TNFSF4: variants seen among roughly 807,000 people sequenced by gnomAD.
TNFSF4 encodes the protein TNF superfamily member 4.
TNFSF4 carries 4 observed loss-of-function variants against 7.3 expected under a neutral mutation model. That is an observed-to-expected ratio of 0.55 (90% CI 0.27 to 1.25). The LOEUF is 1.25. TNFSF4 is among the 50% of genes most tolerant of loss of function. TNFSF4 has a pLI of 0.12. For synonymous variants in TNFSF4, 76 were observed against 83.7 expected (o/e 0.91, Z 0.50); for missense variants, 181 against 208.8 (o/e 0.87, Z 0.82).
chr1:173,368,151 C>T, the TNFSF4 span, among the ~76,000 whole-genome samples: 9,025 of 152,088 alleles, frequency 0.059, 905 homozygotes, highest in African/African-American at 0.2. Flanking sequence ...ATGGAACACG[C>T]GAGGGGACAA....
chr1:173,431,458 G>A, the TNFSF4 span, among the ~76,000 whole-genome samples: 2 of 152,192 alleles, frequency 1.3e-5, no homozygotes, highest in Admixed American at 6.5e-5. Flanking sequence ...GGGCCCTGCT[G>A]GGGGCCCAAA....
chr1:173,430,432 A>ATTT, the TNFSF4 span, among the ~76,000 whole-genome samples: 116 of 152,356 alleles, frequency 7.6e-4, no homozygotes, highest in African/African-American at 2.7e-3. Flanking sequence ...AGTTGAGACA[A>ATTT]TAAACATTTA....
At chr1:173,411,018 A>G in the TNFSF4 span, among the ~76,000 whole-genome samples, 3 of 152,194 alleles carry the variant, frequency 2.0e-5, no homozygotes, top group African/African-American at 7.2e-5. Flanking sequence ...TTTGACAGGA[A>G]GGACTTGGGG....
At chr1:173,406,355 G>A in the TNFSF4 span, among the ~76,000 whole-genome samples, 1 of 152,046 alleles carries the variant, frequency 6.6e-6, no homozygotes, top group African/African-American at 2.4e-5. Context: ...AGAGCTATAT[G>A]CCCCAGTGCT....
At chr1:173,203,886 A>G (rs928500007) in intron 1 of TNFSF4, among the ~76,000 whole-genome samples, 2 of 152,200 alleles carry the variant, frequency 1.3e-5, no homozygotes, top group African/African-American at 4.8e-5. Context: ...AGTTCCAGGT[A>G]AGACTGGAAG....
At chr1:173,263,137 C>A in the TNFSF4 span, among the ~76,000 whole-genome samples, 1 of 152,084 alleles carries the variant, frequency 6.6e-6, no homozygotes, top group Admixed American at 6.6e-5. Context: ...TAAGAGAGGA[C>A]ACAAACAAAT....
chr1:173,365,977 C>CA, the TNFSF4 span, among the ~76,000 whole-genome samples: 3 of 152,174 alleles, frequency 2.0e-5, no homozygotes, highest in African/African-American at 7.2e-5. Context: ...CAGGCAATAA[C>CA]AAATGCTAGT....
the TNFSF4 span, among the ~76,000 whole-genome samples, chr1:173,304,708 C>T: frequency 1.3e-5 from 2 of 152,104 alleles, no homozygotes; most frequent in Admixed American, 6.5e-5. Context: ...GGACCTCTCT[C>T]TCCACAGGAC....
chr1:173,293,539 A>C, the TNFSF4 span, among the ~76,000 whole-genome samples: 3 of 152,108 alleles, frequency 2.0e-5, no homozygotes, highest in African/African-American at 7.2e-5. Context: ...AGGAAATACC[A>C]TTCTGGACAC....
the TNFSF4 span, among the ~76,000 whole-genome samples, chr1:173,409,742 C>T: frequency 6.6e-6 from 1 of 152,134 alleles, no homozygotes; most frequent in African/African-American, 2.4e-5. Context: ...ACATGCAAAT[C>T]TAATCTACAG....
chr1:173,328,335 C>T, the TNFSF4 span, among the ~76,000 whole-genome samples: 4 of 130,976 alleles, frequency 3.1e-5, no homozygotes, highest in Non-Finnish European at 6.1e-5. Context: ...AGGGGAACAT[C>T]ACACACTGGG....
chr1:173,230,581 G>A, the TNFSF4 span, among the ~76,000 whole-genome samples: 3 of 152,146 alleles, frequency 2.0e-5, no homozygotes, highest in East Asian at 1.9e-4. Context: ...ACTAAGATCA[G>A]AGCAGCATTG....
chr1:173,379,786 G>A, the TNFSF4 span, among the ~76,000 whole-genome samples: 8 of 152,190 alleles, frequency 5.3e-5, no homozygotes, highest in Admixed American at 5.2e-4. Flanking sequence ...ACCCAGTAGG[G>A]CTTGTTATCA....
the TNFSF4 span, among the ~76,000 whole-genome samples, chr1:173,333,132 G>A: frequency 2.0e-5 from 3 of 152,172 alleles, no homozygotes; most frequent in South Asian, 2.1e-4. Flanking sequence ...AAGGAAGGGT[G>A]GCTAGGATAG....
At chr1:173,274,756 T>C in the TNFSF4 span, among the ~76,000 whole-genome samples, 1 of 152,142 alleles carries the variant, frequency 6.6e-6, no homozygotes, top group Non-Finnish European at 1.5e-5. Flanking sequence ...AAGCATTGTA[T>C]GAGGTAACTA....
chr1:173,259,711 T>C, the TNFSF4 span, among the ~76,000 whole-genome samples: 4 of 152,144 alleles, frequency 2.6e-5, no homozygotes, highest in African/African-American at 9.7e-5. Context: ...CAAGTATCAA[T>C]AGCCAAATAG....
the TNFSF4 span, among the ~76,000 whole-genome samples, chr1:173,247,098 T>C: frequency 6.6e-6 from 1 of 152,228 alleles, no homozygotes; most frequent in African/African-American, 2.4e-5. Flanking sequence ...AAAGTTTATA[T>C]TGGCAATAAA....
At chr1:173,176,264 C>T in the TNFSF4 span, among the ~76,000 whole-genome samples, 3 of 149,348 alleles carry the variant, frequency 2.0e-5, no homozygotes, top group African/African-American at 7.4e-5. Context: ...CCAGTATGGA[C>T]AAAAAAAAAT....
At chr1:173,385,820 C>G in the TNFSF4 span, among the ~76,000 whole-genome samples, 1 of 150,934 alleles carries the variant, frequency 6.6e-6, no homozygotes, top group East Asian at 1.9e-4. Flanking sequence ...CCAGCCTGGG[C>G]AACAGAGCAA....
Sources: gnomAD v4.1 joint callset for allele counts (sites outside exome capture counted in the v4.1 genomes callset) on GRCh38, gnomAD v4.1.1 for gene constraint, MANE v1.5 for transcripts, NCBI Gene and HGNC (gene_info 2026-07-23, HGNC 2026-07-21) for gene names.